The following USP40 variants were observed in gnomAD, a reference collection of about 807,000 sequenced individuals.
USP40 encodes the protein ubiquitin specific peptidase 40.
USP40 carries 143 observed loss-of-function variants against 166.2 expected under a neutral mutation model. That is an observed-to-expected ratio of 0.86 (90% CI 0.75 to 0.99). The LOEUF (loss-of-function observed/expected upper bound fraction) is 0.99, where lower values mean the gene tolerates loss of function less well. Ranked by LOEUF, USP40 falls within the 50% of genes least tolerant of loss-of-function variation. USP40 has a pLI of 0.00. For synonymous variants in USP40, 498 were observed against 524.0 expected (o/e 0.95, Z 0.68); for missense variants, 1,444 against 1,479.7 (o/e 0.98, Z 0.40).
chr2:233,526,601 A>G (rs1049652183), intron 13 of USP40, among the ~76,000 whole-genome samples: 1 of 152,200 alleles, frequency 6.6e-6, no homozygotes, highest in Non-Finnish European at 1.5e-5. Context: ...TCATTTAACT[A>G]ATTTCTGGGA....
At chr2:233,543,815 T>C (rs1249624384) in intron 8 of USP40, among the ~76,000 whole-genome samples, 2 of 152,222 alleles carry the variant, frequency 1.3e-5, no homozygotes, top group Admixed American at 6.5e-5. Context: ...TGAACCTGAA[T>C]GGACTAAGAC....
chr2:233,517,774 A>C (rs975332015), intron 18 of USP40, among the ~76,000 whole-genome samples: 1 of 144,420 alleles, frequency 6.9e-6, no homozygotes, highest in East Asian at 2.1e-4. Flanking sequence ...GTGGATAAAG[A>C]AACTGTGGTG....
Position 233,485,548 on chromosome 2 carries a change from C to T in USP40, c.3487G>A (p.Asp1163Asn), listed in dbSNP as rs1337286316. The T allele has an allele frequency of 3.1e-6, 5 of 1,613,882 alleles. No homozygotes were observed. The African/African-American group carries it at 5.3e-5, about 17-fold the overall frequency. Residue 1163 changes from aspartate (D) to asparagine (N), a missense_variant, in exon 30 of 32, where the codon GAT becomes AAT. Asp to Asn is a conservative substitution (Grantham distance 23). Transcript: ENST00000678225. ...QGAPYYLKDG[D>N]TIGVKNLLID... is the part of the protein sequence containing the mutation. ...CAACTTACCTTAACACCAATAGTATCTCCGTCTTTCAAGTAATACGGTGCC... is the reference window on the plus strand; with the variant it reads ...CAACTTACCTTAACACCAATAGTATTTCCGTCTTTCAAGTAATACGGTGCC...
intron 5 of USP40, among the ~76,000 whole-genome samples, chr2:233,556,109 C>T (rs1274398807): frequency 1.3e-5 from 2 of 149,262 alleles, no homozygotes; most frequent in African/African-American, 4.9e-5. Flanking sequence ...AAGCAAGACT[C>T]CATCTCAAAA....
At chr2:233,527,303 A>G (rs1293132360) in intron 13 of USP40, 104 bp downstream of exon 13, 2 of 1,305,012 alleles carry the variant, frequency 1.5e-6, no homozygotes, top group East Asian at 2.4e-5. Context: ...GATCTTCCTA[A>G]GCAGCTTTGA....
intron 17 of USP40, 127 bp from the exon 18 acceptor site, chr2:233,519,798 C>G (rs2067527705): frequency 3.7e-6 from 2 of 535,820 alleles, no homozygotes; most frequent in Non-Finnish European, 6.3e-6. Context: ...TAGTTTTTGC[C>G]CACTGGAAAT....
In USP40 at chr2:233,502,991, T is replaced by C. The variant is rs2066181034; in HGVS notation, c.2614-3076A>G. Among the ~76,000 whole-genome samples the C allele has an allele frequency of 2.6e-5, 4 of 152,166 alleles. No individual in the cohort carries two copies. The South Asian group carries it at 8.3e-4, about 32-fold the overall frequency. ...ATGAAGGGCCAAGGAAAGATGATATTCTGAAAGGAACACAGTAAGTCTCCA... is the reference window on the plus strand; with the variant it reads ...ATGAAGGGCCAAGGAAAGATGATATCCTGAAAGGAACACAGTAAGTCTCCA... On this transcript the variant is annotated intron_variant, in intron 21 of 31. Transcript: ENST00000678225.
At chr2:233,494,608 G>A (rs367630032) in intron 24 of USP40, among the ~76,000 whole-genome samples, 4 of 151,874 alleles carry the variant, frequency 2.6e-5, no homozygotes, top group East Asian at 3.9e-4. Context: ...GCTCACAGCT[G>A]TAATCCCAGT....
intron 3 of USP40, chr2:233,561,183 C>G (rs1461604376): frequency 1.9e-6 from 3 of 1,580,426 alleles, no homozygotes; most frequent in Non-Finnish European, 2.6e-6. Context: ...TTATCCTTAT[C>G]TTCAAACAAA....
At chr2:233,490,767 T>C (rs2065282808) in intron 26 of USP40, among the ~76,000 whole-genome samples, 1 of 152,234 alleles carries the variant, frequency 6.6e-6, no homozygotes, top group African/African-American at 2.4e-5. Context: ...TCTAACCTCC[T>C]GGAAAACTGG....
chr2:233,527,666 T>C (rs1472176944), intron 12 of USP40, 88 bp from the exon 13 acceptor site: 12 of 1,226,448 alleles, frequency 9.8e-6, no homozygotes, highest in Middle Eastern at 2.9e-4. Context: ...TGGCTTACAA[T>C]AAAGTTCTCC....
intron 6 of USP40, 188 bp downstream of exon 6, chr2:233,554,192 T>C: frequency 1.9e-6 from 1 of 528,602 alleles, no homozygotes; most frequent in South Asian, 8.4e-5. Context: ...GGAAGTTGGG[T>C]GAACTGTTGG....
intron 21 of USP40, among the ~76,000 whole-genome samples, chr2:233,501,343 A>T (rs961619318): frequency 6.6e-6 from 1 of 152,228 alleles, no homozygotes; most frequent in Non-Finnish European, 1.5e-5. Context: ...AGAGAACCAG[A>T]TCACATAGGC....
rs1276754048 is a variant in USP40 at position 233,529,464 on chromosome 2, A to G, written c.1520T>C (p.Met507Thr). The G allele has an allele frequency of 1.3e-6, 2 of 1,582,796 alleles. No individual in the cohort carries two copies. The highest frequency in any genetic ancestry group is 2.3e-5 in the South Asian group (2 of 86,820). ...YGVPCHLLNEMDAANIELQTK... is the reference protein window; with the variant it reads ...YGVPCHLLNETDAANIELQTK... ...TTGCAGTTCAATGTTAGCTGCATCC[A>G]TTTCATTCAGTAAATGACATGGAAC... Residue 507 changes from methionine to threonine, a missense_variant, in exon 12 of 32, where the codon ATG becomes ACG. Met to Thr is a moderately conservative substitution (Grantham distance 81). Coordinates refer to ENST00000678225, the MANE Select transcript of USP40 (RefSeq NM_001365479.2).
rs1019169330 is a variant in USP40 at position 233,475,782 on chromosome 2, C to T, written c.*1610G>A. 6.6e-6 allele frequency: 1 copy of T among 152,488 alleles called. No homozygotes were observed. Among genetic ancestry groups the T allele is most frequent in the African/African-American group, 2.4e-5 (1 of 41,580 alleles). 9.4% of individuals were successfully genotyped at this position (152,488 alleles called of 1,614,324 possible). On this transcript the variant is annotated 3_prime_UTR_variant, in exon 32 of 32. Coordinates refer to ENST00000678225, the MANE Select transcript of USP40 (RefSeq NM_001365479.2). ...CAGCGATTTCATTAATATTTCATTA[C>T]GCTGAGATGAGATGAAGGCAGATGC...
At chr2:233,553,963 T>C (rs1020340028) in intron 6 of USP40, among the ~76,000 whole-genome samples, 7 of 152,214 alleles carry the variant, frequency 4.6e-5, no homozygotes, top group Non-Finnish European at 8.8e-5. Context: ...ATATTGGATT[T>C]GCCAGAGTGA....
At chr2:233,491,642 GTC>G (rs1361061284) in intron 25 of USP40, among the ~76,000 whole-genome samples, 12 of 151,876 alleles carry the variant, frequency 7.9e-5, no homozygotes, top group African/African-American at 2.9e-4. Flanking sequence ...GTGTCTGTCT[GTC>G]TGTGTGCAGG....
intron 12 of USP40, 106 bp from the exon 13 acceptor site, chr2:233,527,684 C>T (rs935849330): frequency 1.9e-6 from 2 of 1,045,242 alleles, no homozygotes; most frequent in Non-Finnish European, 2.6e-6. Context: ...TCCATCCCAC[C>T]AAAGTAACAA....
intron 7 of USP40, 49 bp from the exon 8 acceptor site, chr2:233,549,278 GATA>G: frequency 2.6e-6 from 3 of 1,150,834 alleles, no homozygotes; most frequent in Admixed American, 3.0e-5. Flanking sequence ...ATAAAATGCT[GATA>G]ATAATCAAAA....
Sources: gnomAD v4.1 joint callset for allele counts (sites outside exome capture counted in the v4.1 genomes callset) on GRCh38, gnomAD v4.1.1 for gene constraint, MANE v1.5 for transcripts, NCBI Gene and HGNC (gene_info 2026-07-23, HGNC 2026-07-21) for gene names.